The following CNGA3 variants were observed in gnomAD, a reference collection of about 807,000 sequenced individuals.
CNGA3 encodes the protein cyclic nucleotide-gated channel alpha-3.
CNGA3 carries 42 observed loss-of-function variants against 46.6 expected under a neutral mutation model. The ratio of observed to expected loss-of-function variants is 0.90; its 90% CI spans 0.70 to 1.17. The LOEUF (loss-of-function observed/expected upper bound fraction) is 1.17. Ranked by LOEUF, CNGA3 falls within the 50% of genes most tolerant of loss-of-function variation. The pLI, the probability that CNGA3 is intolerant of heterozygous loss-of-function variation, is 0.00. For missense variants in CNGA3, 893 were observed against 890.7 expected, an observed-to-expected ratio of 1.00 and a Z score of -0.03; for synonymous variants, 394 against 369.4, an observed-to-expected ratio of 1.07 and a Z score of -0.76.
intron 4 of CNGA3, among the ~76,000 whole-genome samples, chr2:98,382,830 G>C (rs1692568390): frequency 6.6e-6 from 1 of 152,192 alleles, no homozygotes; most frequent in African/African-American, 2.4e-5. Context: ...AGATAGGAGA[G>C]GACAAGAGGA....
intron 4 of CNGA3, among the ~76,000 whole-genome samples, chr2:98,381,696 C>G (rs923296387): frequency 6.6e-6 from 1 of 152,118 alleles, no homozygotes; most frequent in East Asian, 1.9e-4. Context: ...AGTTTTCACA[C>G]GAGCTTGGAC....
chr2:98,363,210 G>A (rs188213939), intron 1 of CNGA3, among the ~76,000 whole-genome samples: 432 of 152,256 alleles, frequency 2.8e-3, no homozygotes, highest in African/African-American at 9.9e-3. Flanking sequence ...TAGTTTAATG[G>A]GAATAGCATT....
chr2:98,349,050 A>T (rs544753930), intron 1 of CNGA3, among the ~76,000 whole-genome samples: 3 of 152,316 alleles, frequency 2.0e-5, no homozygotes, highest in Admixed American at 2.0e-4. Context: ...AGGAGAGAGT[A>T]AGGCCCTGCT....
At chr2:98,372,123 C>A (rs1692301304) in intron 2 of CNGA3, among the ~76,000 whole-genome samples, 1 of 152,220 alleles carries the variant, frequency 6.6e-6, no homozygotes, top group South Asian at 2.1e-4. Flanking sequence ...CAGAAGAAGG[C>A]AGTCCTGGTC....
At chr2:98,395,049 A>C (rs977646536) in intron 7 of CNGA3, among the ~76,000 whole-genome samples, 1 of 152,096 alleles carries the variant, frequency 6.6e-6, no homozygotes, top group African/African-American at 2.4e-5. Flanking sequence ...TGACATCCTC[A>C]AAACCCTCTT....
intron 6 of CNGA3, among the ~76,000 whole-genome samples, chr2:98,390,166 C>T (rs1423182768): frequency 7.9e-5 from 12 of 151,422 alleles, no homozygotes; most frequent in Admixed American, 1.3e-4. Context: ...GACAGAGTCT[C>T]ACTCTGTCAC....
At chr2:98,383,654 T>C (rs1185079309) in intron 5 of CNGA3, among the ~76,000 whole-genome samples, 2 of 152,192 alleles carry the variant, frequency 1.3e-5, no homozygotes, top group African/African-American at 4.8e-5. Context: ...GGGGAAGTCG[T>C]CTGATCTCTT....
chr2:98,348,587 T>C (rs1691698684), intron 1 of CNGA3, among the ~76,000 whole-genome samples: 1 of 152,132 alleles, frequency 6.6e-6, no homozygotes, highest in Non-Finnish European at 1.5e-5. Context: ...TCCCACAGCG[T>C]CCTGCTCACC....
At chr2:98,377,890 G>A (rs1692444964) in intron 3 of CNGA3, 90 bp downstream of exon 3, 2 of 1,338,086 alleles carry the variant, frequency 1.5e-6, no homozygotes, top group Non-Finnish European at 2.1e-6. Context: ...TGCTAGATGG[G>A]GGTGGAGTTG....
Position 98,389,696 on chromosome 2 carries a change from C to A in CNGA3, c.488C>A (p.Pro163Gln). The change falls in exon 6 of 8, where the codon CCG (proline) becomes CAG (glutamine). Residue 163 changes from proline (P) to glutamine (Q), a missense_variant. Physicochemically the swap from Pro to Gln is moderately conservative, Grantham distance 76 (BLOSUM62 -1). This residue lies in a region of CNGA3 where 333 missense variants were observed against 290.8 expected (regional missense o/e 1.15). Transcript: ENST00000272602. ...AAGAAGGATGCGATCGTGGTGGACCCGTCCAGCAACCTGTACTACCGCTGG... is the reference window on the plus strand; with the variant it reads ...AAGAAGGATGCGATCGTGGTGGACCAGTCCAGCAACCTGTACTACCGCTGG... ...TKKKDAIVVD[P>Q]SSNLYYRWLT... 1 of 1,613,852 alleles carries A rather than the reference C, an allele frequency of 6.2e-7. No homozygotes were observed. Among genetic ancestry groups the A allele is most frequent in the Admixed American group, 1.7e-5 (1 of 60,032 alleles).
intron 1 of CNGA3, among the ~76,000 whole-genome samples, chr2:98,358,792 T>A: frequency 6.6e-6 from 1 of 152,220 alleles, no homozygotes. Flanking sequence ...TACATTTCCC[T>A]TTAGTGATGT....
chr2:98,358,048 A>G (rs1238334993), intron 1 of CNGA3, among the ~76,000 whole-genome samples: 2 of 152,344 alleles, frequency 1.3e-5, no homozygotes, highest in African/African-American at 4.8e-5. Flanking sequence ...CCTCGCACCC[A>G]GGGGGCCCTG....
chr2:98,371,058 C>A (rs1472345171), intron 2 of CNGA3, among the ~76,000 whole-genome samples: 2 of 152,192 alleles, frequency 1.3e-5, no homozygotes, highest in African/African-American at 4.8e-5. Context: ...CTCCTGACCT[C>A]AGGTGATCCA....
Position 98,389,713 on chromosome 2 carries a change from T to C in CNGA3, c.505T>C (p.Tyr169His). Reference protein sequence around the residue: ...IVVDPSSNLYYRWLTAIALPV... With the variant: ...IVVDPSSNLYHRWLTAIALPV... ...GGTGGACCCGTCCAGCAACCTGTAC[T>C]ACCGCTGGCTGACCGCCATCGCCCT... The change falls in exon 6 of 8, where the codon TAC becomes CAC. Residue 169 changes from tyrosine to histidine, a missense_variant. Around this residue, in one of 3 missense-constraint regions of CNGA3, gnomAD observed 333 missense variants for 290.8 expected, o/e 1.15. Transcript: ENST00000272602. 1 of 1,613,804 alleles carries C rather than the reference T, an allele frequency of 6.2e-7. No individual in the cohort carries two copies. Among genetic ancestry groups the C allele is most frequent in the Non-Finnish European group, 8.5e-7 (1 of 1,180,040 alleles).
intron 1 of CNGA3, among the ~76,000 whole-genome samples, chr2:98,355,457 A>T (rs1039486569): frequency 1.3e-5 from 2 of 152,202 alleles, no homozygotes; most frequent in Admixed American, 6.5e-5. Context: ...CCATCATGGA[A>T]CTTCTAGAAT....
At chr2:98,392,745 C>T (rs531485252) in intron 7 of CNGA3, among the ~76,000 whole-genome samples, 14 of 152,254 alleles carry the variant, frequency 9.2e-5, no homozygotes, top group Admixed American at 3.3e-4. Context: ...GGACATGTTA[C>T]TCCGTGGCTT....
At chr2:98,361,899 G>A (rs533454695) in intron 1 of CNGA3, among the ~76,000 whole-genome samples, 4 of 151,868 alleles carry the variant, frequency 2.6e-5, no homozygotes, top group Non-Finnish European at 5.9e-5. Flanking sequence ...AGTAGAGACA[G>A]GGTTTCACCG....
chr2:98,388,275 G>C (rs1300139076), intron 5 of CNGA3, among the ~76,000 whole-genome samples: 3 of 152,172 alleles, frequency 2.0e-5, no homozygotes, highest in African/African-American at 7.2e-5. Context: ...CAGCAGCAAG[G>C]CAGAAAAGAA....
intron 3 of CNGA3, 60 bp from the exon 4 acceptor site, chr2:98,380,115 G>GT (rs1162919936): frequency 1.9e-6 from 3 of 1,584,862 alleles, no homozygotes; most frequent in Non-Finnish European, 2.6e-6. Context: ...AAAGACTGGG[G>GT]TTTGGGGGTG....
Sources: gnomAD v4.1 joint callset for allele counts (sites outside exome capture counted in the v4.1 genomes callset) on GRCh38, gnomAD v4.1.1 for gene constraint, gnomAD v4.1.1 regional missense constraint, MANE v1.5 for transcripts, NCBI Gene and HGNC (gene_info 2026-07-23, HGNC 2026-07-21) for gene names.